PDGFRA: variants seen among roughly 807,000 people sequenced by gnomAD.
PDGFRA encodes platelet derived growth factor receptor alpha, also known as platelet-derived growth factor receptor alpha.
Under a neutral mutation model 121.5 loss-of-function variants are expected in PDGFRA, and 25 were observed. The ratio of observed to expected loss-of-function variants is 0.21; its 90% CI spans 0.15 to 0.29. The LOEUF is 0.29. PDGFRA is among the 10% of genes least tolerant of loss of function. The probability of loss-of-function intolerance (pLI) is 1.00; values close to 1 mark genes in which losing one functional copy is unlikely to be tolerated. For missense variants in PDGFRA, 1,008 were observed against 1,345.1 expected (o/e 0.75, Z 3.92); for synonymous variants, 463 against 494.8 (o/e 0.94, Z 0.85).
At chr4:54,236,882 T>TA (rs1352404923) in intron 1 of PDGFRA, among the ~76,000 whole-genome samples, 1 of 152,192 alleles carries the variant, frequency 6.6e-6, no homozygotes, top group East Asian at 1.9e-4. Flanking sequence ...GAACCACTGT[T>TA]ATCAGAGATT....
At chr4:54,285,691 G>A in intron 17 of PDGFRA, 150 bp from the exon 18 acceptor site, 1 of 852,334 alleles carries the variant, frequency 1.2e-6, no homozygotes. Flanking sequence ...TCTGTTGGGA[G>A]TGGGTGGAGT....
chr4:54,251,132 T>A (rs1457909109), intron 1 of PDGFRA, among the ~76,000 whole-genome samples: 1 of 142,538 alleles, frequency 7.0e-6, no homozygotes, highest in African/African-American at 2.6e-5. Flanking sequence ...AAAACACAAA[T>A]AAACTTCCAG....
intron 14 of PDGFRA, 61 bp downstream of exon 14, chr4:54,278,067 C>T: frequency 4.9e-6 from 5 of 1,026,330 alleles, no homozygotes; most frequent in Non-Finnish European, 7.7e-6. Context: ...GAAAACTGTT[C>T]AATCAGGCTT....
rs912915440 is a variant in PDGFRA, at chr4:54,273,528, T to A, written c.1365-9T>A. The A allele has an allele frequency of 1.2e-5, 19 of 1,612,978 alleles. No individual in the cohort carries two copies. Among genetic ancestry groups the A allele is most frequent in the Non-Finnish European group, 1.5e-5 (18 of 1,179,128 alleles). The stretch of plus-strand genomic sequence containing the variant: ...ATTGGCCCTATACTTAGGCCCTTTT[T>A]CTCTCTAGATGTAATAATGAAACTT... On this transcript the variant is annotated splice_polypyrimidine_tract_variant and intron_variant, in intron 9 of 22. Transcript: ENST00000257290.
intron 3 of PDGFRA, among the ~76,000 whole-genome samples, chr4:54,263,003 ACTT>A (rs1209693721): frequency 6.6e-6 from 1 of 152,160 alleles, no homozygotes; most frequent in Non-Finnish European, 1.5e-5. Flanking sequence ...GACTGTTAGA[ACTT>A]CTTACCACCG....
intron 1 of PDGFRA, among the ~76,000 whole-genome samples, chr4:54,231,722 A>G (rs970583191): frequency 2.0e-5 from 3 of 152,240 alleles, no homozygotes; most frequent in African/African-American, 4.8e-5. Flanking sequence ...TTTTGGGTTG[A>G]CCCAAGTGCA....
At chr4:54,243,687 T>C (rs191863893) in intron 1 of PDGFRA, 1 of 152,796 alleles carries the variant, frequency 6.5e-6, no homozygotes, top group Non-Finnish European at 1.5e-5. Flanking sequence ...CAGGTTCCTA[T>C]CACTAGGGAG....
At position 54,295,611 on chromosome 4, in the gene PDGFRA, C is replaced by A; in HGVS notation, c.*339C>A. ...AGACACAATTTATACTGCGACAGAA[C>A]TTCAGCATTGTAATTATGTAAATAA... is the stretch of plus-strand genomic sequence containing the variant. On this transcript the variant is annotated 3_prime_UTR_variant, in exon 23 of 23. Coordinates refer to ENST00000257290, the MANE Select transcript of PDGFRA (RefSeq NM_006206.6). 1 of 408,138 alleles carries A rather than the reference C, an allele frequency of 2.5e-6. No individual in the cohort carries two copies. Among genetic ancestry groups the A allele is most frequent in the African/African-American group, 2.0e-5 (1 of 50,906 alleles). The allele number at this position is 408,138 out of a possible 1,614,324, so 25.3% of individuals were successfully genotyped here. A position where few individuals can be genotyped will look rare whatever the true frequency, so the allele number is the denominator to read the frequency against.
intron 1 of PDGFRA, among the ~76,000 whole-genome samples, chr4:54,250,062 T>G (rs991180636): frequency 6.6e-6 from 1 of 152,188 alleles, no homozygotes; most frequent in African/African-American, 2.4e-5. Context: ...TGGCTTTCTC[T>G]CTTGAATAAG....
chr4:54,280,181 A>G lies in PDGFRA; in HGVS notation c.2157-135A>G, dbSNP rs73252951. On this transcript the variant is annotated intron_variant, in intron 15 of 22. Transcript: ENST00000257290. ...GACTAGATCACCTCATGTGAAAGGT[A>G]TGGATTGGTTTTGCTTTTACCCAGT... is the stretch of plus-strand genomic sequence containing the variant. 5,968 of 678,080 alleles carry G rather than the reference A, an allele frequency of 8.8e-3. 51 individuals carry two copies. Among genetic ancestry groups the G allele is most frequent in the Middle Eastern group, 0.013 (34 of 2,552 alleles). The allele number at this position is 678,080 out of a possible 1,614,324, so 42.0% of individuals were successfully genotyped here.
At chr4:54,268,301 G>A (rs2110269785) in intron 7 of PDGFRA, among the ~76,000 whole-genome samples, 1 of 152,198 alleles carries the variant, frequency 6.6e-6, no homozygotes, top group East Asian at 1.9e-4. Context: ...TCTCTTAATT[G>A]GTGGTGGAGT....
intron 1 of PDGFRA, among the ~76,000 whole-genome samples, chr4:54,251,563 C>T (rs889366159): frequency 2.0e-5 from 3 of 152,150 alleles, no homozygotes; most frequent in Admixed American, 1.3e-4. Context: ...CTTTCAGATA[C>T]AAACAGACTG....
intron 1 of PDGFRA, among the ~76,000 whole-genome samples, chr4:54,248,228 G>A (rs1347124260): frequency 2.6e-5 from 4 of 152,082 alleles, no homozygotes; most frequent in Admixed American, 6.6e-5. Context: ...TAAAGTTCAT[G>A]TGGAACCAAA....
At chr4:54,285,514 A>G (rs754955903) in intron 17 of PDGFRA, 28 bp downstream of exon 17, 9 of 970,714 alleles carry the variant, frequency 9.3e-6, no homozygotes, top group Middle Eastern at 2.1e-4. Flanking sequence ...AGACCTTTTT[A>G]GACCCAGATT....
At chr4:54,289,710 G>A in intron 21 of PDGFRA, among the ~76,000 whole-genome samples, 1 of 152,168 alleles carries the variant, frequency 6.6e-6, no homozygotes, top group Non-Finnish European at 1.5e-5. Context: ...TTCTCAAGGA[G>A]GAATAGTGTT....
In PDGFRA at chr4:54,272,508, A is replaced by C. The variant is rs1178568199; in HGVS notation, c.1352A>C (p.Lys451Thr). 8.7e-6 allele frequency: 14 copies of C among 1,613,876 alleles called. No homozygotes were observed. Among genetic ancestry groups the C allele is most frequent in the Non-Finnish European group, 1.2e-5 (14 of 1,179,980 alleles). Residue 451 changes from lysine to threonine, a missense_variant, in exon 9 of 23, where the codon AAA becomes ACA. Transcript: ENST00000257290. ...PLPDIEWMIC[K>T]DIKKCNNETS... ...CCTGATATTGAGTGGATGATATGCA[A>C]AGATATTAAGAAGTATGGAAAACAG...
At chr4:54,236,006 G>C (rs1451126086) in intron 1 of PDGFRA, among the ~76,000 whole-genome samples, 1 of 152,232 alleles carries the variant, frequency 6.6e-6, no homozygotes, top group East Asian at 1.9e-4. Flanking sequence ...CAAGAGGATG[G>C]TGGAAAAGCA....
chr4:54,295,175 C>A lies in PDGFRA; in HGVS notation c.3173C>A (p.Thr1058Asn), dbSNP rs747864564. 1.9e-6 allele frequency: 3 copies of A among 1,614,046 alleles called. No homozygotes were observed. Among genetic ancestry groups the A allele is most frequent in the South Asian group, 2.2e-5 (2 of 91,082 alleles). The change falls in exon 23 of 23, where the codon ACC (threonine) becomes AAC (asparagine). Residue 1058 changes from threonine (T) to asparagine (N), a missense_variant. By Grantham distance (65) the Thr-to-Asn change is moderately conservative (BLOSUM62 0). This residue lies in a region of PDGFRA where 204 missense variants were observed against 243.0 expected (regional missense o/e 0.84). Coordinates refer to ENST00000257290, the MANE Select transcript of PDGFRA (RefSeq NM_006206.6). Reference protein sequence around the residue: ...SAIETGSSSSTFIKREDETIE... With the variant: ...SAIETGSSSSNFIKREDETIE... ...ATTGAGACGGGTTCCAGCAGTTCCACCTTCATCAAGAGAGAGGACGAGACC... is the reference window on the plus strand; with the variant it reads ...ATTGAGACGGGTTCCAGCAGTTCCAACTTCATCAAGAGAGAGGACGAGACC...
chr4:54,255,667 G>A (rs1276961382), intron 1 of PDGFRA, among the ~76,000 whole-genome samples: 8 of 151,790 alleles, frequency 5.3e-5, no homozygotes, highest in African/African-American at 7.3e-5. Flanking sequence ...CACCACGCCC[G>A]GCTAATTTTT....
Sources: gnomAD v4.1 joint callset for allele counts (sites outside exome capture counted in the v4.1 genomes callset) on GRCh38, gnomAD v4.1.1 for gene constraint, gnomAD v4.1.1 regional missense constraint, MANE v1.5 for transcripts, NCBI Gene and HGNC (gene_info 2026-07-23, HGNC 2026-07-21) for gene names.